FOXC1: variants seen among roughly 807,000 people sequenced by gnomAD.
The protein encoded by FOXC1 is forkhead box protein C1.
FOXC1 carries 5 observed loss-of-function variants against 8.1 expected under a neutral mutation model. The observed-to-expected ratio is 0.62, with a 90% CI of 0.32 to 1.30. The LOEUF (loss-of-function observed/expected upper bound fraction) is 1.30. FOXC1 is among the 50% of genes most tolerant of loss of function. The pLI, the probability that FOXC1 is intolerant of heterozygous loss-of-function variation, is 0.05. For synonymous variants in FOXC1, 552 were observed against 417.2 expected, an observed-to-expected ratio of 1.32 and a Z score of -3.94; for missense variants, 942 against 858.0, an observed-to-expected ratio of 1.10 and a Z score of -1.22.
In FOXC1 at chr6:1,611,308, C is replaced by A; in HGVS notation, c.863C>A (p.Ala288Glu). The change falls in exon 1 of 1, where the codon GCG (alanine) becomes GAG (glutamate). Residue 288 changes from alanine to glutamate, a missense_variant. By Grantham distance (107) the Ala-to-Glu change is moderately radical. Transcript: ENST00000645831. The surrounding 1 kb of genome is among the most constrained non-coding windows in gnomAD (Gnocchi z 7.1). ...PSARPLSLDG[A>E]DSAPPPPAPS... ...GCGCGGCCGCTCAGCCTGGACGGTG[C>A]GGATTCCGCGCCGCCGCCGCCCGCG... The A allele has an allele frequency of 7.1e-7, 1 of 1,412,744 alleles. No individual in the cohort carries two copies. 87.5% of individuals were successfully genotyped at this position (1,412,744 alleles called of 1,614,324 possible).
Position 1,611,178 on chromosome 6 carries a change from G to C in FOXC1, c.733G>C (p.Ala245Pro). Reference sequence around the variant, plus strand: ...GCCCCAGCCCCTGTCCCCGGCCGCCGCCCTGGGCAGCGGCAGCGCCGCCGC... The same window carrying C: ...GCCCCAGCCCCTGTCCCCGGCCGCCCCCCTGGGCAGCGGCAGCGCCGCCGC... ...SPPQPLSPAA[A>P]LGSGSAAAVP... is the part of the protein sequence containing the mutation. Residue 245 changes from alanine to proline, a missense_variant, in exon 1 of 1, where the codon GCC becomes CCC. Physicochemically the swap from Ala to Pro is conservative, Grantham distance 27 (BLOSUM62 -1). Around this residue, in one of 4 missense-constraint regions of FOXC1, gnomAD observed 726 missense variants for 599.6 expected, o/e 1.21. Coordinates refer to ENST00000645831, the MANE Select transcript of FOXC1 (RefSeq NM_001453.3). This position sits in a 1 kb window ranked among gnomAD's most constrained non-coding sequence, Gnocchi z 7.1. 1.4e-6 allele frequency: 2 copies of C among 1,458,414 alleles called. No individual in the cohort carries two copies. The highest frequency in any genetic ancestry group is 1.8e-6 in the Non-Finnish European group (2 of 1,102,682). 90.3% of individuals were successfully genotyped at this position (1,458,414 alleles called of 1,614,324 possible). A position where few individuals can be genotyped will look rare whatever the true frequency, so the allele number is the denominator to read the frequency against.
Position 1,611,096 on chromosome 6 carries a change from G to A in FOXC1, c.651G>A (p.Gln217=). 1 of 1,374,652 alleles carries A rather than the reference G, an allele frequency of 7.3e-7. No homozygotes were observed. Among genetic ancestry groups the A allele is most frequent in the African/African-American group, 1.5e-5 (1 of 65,518 alleles). The allele number at this position is 1,374,652 out of a possible 1,614,324, so 85.2% of individuals were successfully genotyped here. The change falls in exon 1 of 1, where the codon CAG becomes CAA. Residue 217 remains glutamine (Q), a synonymous_variant. Transcript: ENST00000645831. The surrounding 1 kb of genome is among the most constrained non-coding windows in gnomAD (Gnocchi z 7.1). ...CCGACGGCAACGCGCCCGGTCCGCA[G>A]CCGCCGCCCGTGCGCATCCAGGACA... The part of the protein sequence containing the change: ...EQADGNAPGP[Q]PPPVRIQDIK...
rs760588139 is a variant in FOXC1 at position 1,610,580 on chromosome 6, C to T, written c.135C>T (p.Ser45=). The change falls in exon 1 of 1, where the codon AGC becomes AGT. Residue 45 remains serine (S), a synonymous_variant. Transcript: ENST00000645831. The part of the protein sequence containing the change: ...GGYTAMPAPM[S]VYSHPAHAEQ... ...ACACCGCCATGCCGGCCCCCATGAG[C>T]GTGTACTCGCACCCTGCGCACGCCG... 1 of 1,594,286 alleles carries T rather than the reference C, an allele frequency of 6.3e-7. No homozygotes were observed.
In FOXC1 at chr6:1,610,883, G is replaced by T; in HGVS notation, c.438G>T (p.Pro146=). ...AGGTGCCGCGCGACGACAAGAAGCC[G>T]GGCAAGGGCAGCTACTGGACGCTGG... ...FVKVPRDDKK[P]GKGSYWTLDP... Residue 146 remains proline, a synonymous_variant, in exon 1 of 1, where the codon CCG becomes CCT. Coordinates refer to ENST00000645831, the MANE Select transcript of FOXC1 (RefSeq NM_001453.3). 6.2e-7 allele frequency: 1 copy of T among 1,614,008 alleles called. No homozygotes were observed. The highest frequency in any genetic ancestry group is 8.5e-7 in the Non-Finnish European group (1 of 1,180,004).
Position 1,611,146 on chromosome 6 carries a change from C to G in FOXC1, c.701C>G (p.Pro234Arg). ...QDIKTENGTC[P>R]SPPQPLSPAA... ...ATCAAGACCGAGAACGGTACGTGCC[C>G]CTCGCCGCCCCAGCCCCTGTCCCCG... is the stretch of plus-strand genomic sequence containing the variant. The change falls in exon 1 of 1, where the codon CCC becomes CGC. Residue 234 changes from proline (P) to arginine (R), a missense_variant. By Grantham distance (103) the Pro-to-Arg change is moderately radical. Coordinates refer to ENST00000645831, the MANE Select transcript of FOXC1 (RefSeq NM_001453.3). The surrounding 1 kb of genome is among the most constrained non-coding windows in gnomAD (Gnocchi z 7.1). 6.9e-7 allele frequency: 1 copy of G among 1,440,454 alleles called. No homozygotes were observed. Among genetic ancestry groups the G allele is most frequent in the Non-Finnish European group, 9.2e-7 (1 of 1,088,860 alleles). The allele number at this position is 1,440,454 out of a possible 1,614,324, so 89.2% of individuals were successfully genotyped here.
Position 1,612,143 on chromosome 6 carries a change from G to C in FOXC1, c.*36G>C. 1 of 1,612,692 alleles carries C rather than the reference G, an allele frequency of 6.2e-7. No individual in the cohort carries two copies. The highest frequency in any genetic ancestry group is 8.5e-7 in the Non-Finnish European group (1 of 1,179,806). ...AAGCCGAACTAAATCGAACCCCAAAGCAGGAAAAGCTAAAGGAACCCATCA... is the reference window on the plus strand; with the variant it reads ...AAGCCGAACTAAATCGAACCCCAAACCAGGAAAAGCTAAAGGAACCCATCA... On this transcript the variant is annotated 3_prime_UTR_variant, in exon 1 of 1. Coordinates refer to ENST00000645831, the MANE Select transcript of FOXC1 (RefSeq NM_001453.3).
chr6:1,610,076 C>G lies in FOXC1; in HGVS notation c.-370C>G, dbSNP rs948567781. 3 of 142,816 alleles carry G rather than the reference C, an allele frequency of 2.1e-5. No homozygotes were observed. Among genetic ancestry groups the G allele is most frequent in the Non-Finnish European group, 4.6e-5 (3 of 65,698 alleles). The allele number at this position is 142,816 out of a possible 1,614,324, so 8.8% of individuals were successfully genotyped here. A position where few individuals can be genotyped will look rare whatever the true frequency, so the allele number is the denominator to read the frequency against. On this transcript the variant is annotated 5_prime_UTR_variant, in exon 1 of 1. Coordinates refer to ENST00000645831, the MANE Select transcript of FOXC1 (RefSeq NM_001453.3). ...TCGCCGGCAGCTCAGGGCAGAGTCT[C>G]CTGGAAGGCGCAGGCAGTGTGGCGA...
In FOXC1 at chr6:1,610,339, C is replaced by G. The variant is rs1004481239; in HGVS notation, c.-107C>G. ...GGACGCACAGCGCAGCGGGCCGGCA[C>G]CAGCTCGGCCGGGCCCGGACTCGGA... On this transcript the variant is annotated 5_prime_UTR_variant, in exon 1 of 1. Transcript: ENST00000645831. 1.8e-6 allele frequency: 1 copy of G among 566,384 alleles called. No individual in the cohort carries two copies. The highest frequency in any genetic ancestry group is 2.0e-5 in the African/African-American group (1 of 49,060). 35.1% of individuals were successfully genotyped at this position (566,384 alleles called of 1,614,324 possible). A position where few individuals can be genotyped will look rare whatever the true frequency, so the allele number is the denominator to read the frequency against.
Position 1,610,876 on chromosome 6 carries a change from A to G in FOXC1, c.431A>G (p.Lys144Arg). The G allele has an allele frequency of 1.2e-6, 2 of 1,614,036 alleles. No individual in the cohort carries two copies. Among genetic ancestry groups the G allele is most frequent in the Non-Finnish European group, 1.7e-6 (2 of 1,179,972 alleles). ...TTCGTCAAGGTGCCGCGCGACGACA[A>G]GAAGCCGGGCAAGGGCAGCTACTGG... ...ECFVKVPRDD[K>R]KPGKGSYWTL... The change falls in exon 1 of 1, where the codon AAG becomes AGG. Residue 144 changes from lysine to arginine, a missense_variant. Lys to Arg is a conservative substitution (Grantham distance 26). This residue lies in a region of FOXC1 where 26 missense variants were observed against 65.5 expected (regional missense o/e 0.40). Coordinates refer to ENST00000645831, the MANE Select transcript of FOXC1 (RefSeq NM_001453.3).
At position 1,610,669 on chromosome 6, in the gene FOXC1, A is replaced by G; in HGVS notation, c.224A>G (p.Asp75Gly). Residue 75 changes from aspartate to glycine, a missense_variant, in exon 1 of 1, where the codon GAC becomes GGC. Physicochemically the swap from Asp to Gly is moderately conservative, Grantham distance 94. This residue lies in a region of FOXC1 where 190 missense variants were observed against 176.8 expected (regional missense o/e 1.07). Coordinates refer to ENST00000645831, the MANE Select transcript of FOXC1 (RefSeq NM_001453.3). ...GPYTPQPQPK[D>G]MVKPPYSYIA... The stretch of plus-strand genomic sequence containing the variant: ...TACACGCCGCAGCCGCAGCCCAAGG[A>G]CATGGTGAAGCCGCCCTATAGCTAC... 1 of 1,613,522 alleles carries G rather than the reference A, an allele frequency of 6.2e-7. No individual in the cohort carries two copies. Among genetic ancestry groups the G allele is most frequent in the Non-Finnish European group, 8.5e-7 (1 of 1,179,942 alleles).
Position 1,612,259 on chromosome 6 carries a change from A to C in FOXC1, c.*152A>C. ...CAGCGAACAGAATATCCCTCCAAAA[A>C]TTCAGCTCACCAGCACCAGCACGAA... is the stretch of plus-strand genomic sequence containing the variant. On this transcript the variant is annotated 3_prime_UTR_variant, in exon 1 of 1. Transcript: ENST00000645831. The C allele has an allele frequency of 5.0e-6, 6 of 1,211,730 alleles. No homozygotes were observed. The highest frequency in any genetic ancestry group is 4.3e-5 in the South Asian group (3 of 70,092). 75.1% of individuals were successfully genotyped at this position (1,211,730 alleles called of 1,614,324 possible).
Position 1,610,760 on chromosome 6 carries a change from C to T in FOXC1, c.315C>T (p.Tyr105=), listed in dbSNP as rs201891353. 1.0e-4 allele frequency: 162 copies of T among 1,614,010 alleles called. No individual in the cohort carries two copies. Among genetic ancestry groups the T allele is most frequent in the Non-Finnish European group, 1.3e-4 (152 of 1,179,984 alleles). ...PDKKITLNGI[Y]QFIMDRFPFY... is the part of the protein sequence containing the mutation. ...AGAAGATCACCCTGAACGGCATCTA[C>T]CAGTTCATCATGGACCGCTTCCCCT... The change falls in exon 1 of 1, where the codon TAC becomes TAT. Residue 105 remains tyrosine, a synonymous_variant. Coordinates refer to ENST00000645831, the MANE Select transcript of FOXC1 (RefSeq NM_001453.3).
rs1433451833 is a variant in FOXC1, at chr6:1,612,834, T to C, written c.*727T>C. 9.5e-6 allele frequency: 2 copies of C among 211,316 alleles called. No individual in the cohort carries two copies. The highest frequency in any genetic ancestry group is 2.1e-5 in the Non-Finnish European group (2 of 95,138). 13.1% of individuals were successfully genotyped at this position (211,316 alleles called of 1,614,324 possible). On this transcript the variant is annotated 3_prime_UTR_variant, in exon 1 of 1. Coordinates refer to ENST00000645831, the MANE Select transcript of FOXC1 (RefSeq NM_001453.3). ...CCATTCAGTTTGAATGAGACCTATA[T>C]GTCTGGATACTTTAATAGAGCTTTA...
At position 1,611,508 on chromosome 6, in the gene FOXC1, C is replaced by T. The variant is rs763692952; in HGVS notation, c.1063C>T (p.Pro355Ser). 4 of 1,368,116 alleles carry T rather than the reference C, an allele frequency of 2.9e-6. No homozygotes were observed. The highest frequency in any genetic ancestry group is 6.8e-5 in the East Asian group (2 of 29,390). 84.7% of individuals were successfully genotyped at this position (1,368,116 alleles called of 1,614,324 possible). ...APPLALGAYSPGQSSLYSSPC... is the reference protein window; with the variant it reads ...APPLALGAYSSGQSSLYSSPC... ...CCCGCTGGCGCTCGGCGCCTACTCG[C>T]CCGGCCAGAGCTCCCTCTACAGCTC... is the stretch of plus-strand genomic sequence containing the variant. Residue 355 changes from proline to serine, a missense_variant, in exon 1 of 1, where the codon CCC (proline) becomes TCC (serine). Physicochemically the swap from Pro to Ser is moderately conservative, Grantham distance 74. Transcript: ENST00000645831. This position sits in a 1 kb window ranked among gnomAD's most constrained non-coding sequence, Gnocchi z 7.1.
Position 1,613,674 on chromosome 6 carries a change from G to A in FOXC1, c.*1567G>A. 1 of 195,784 alleles carries A rather than the reference G, an allele frequency of 5.1e-6. No homozygotes were observed. The highest frequency in any genetic ancestry group is 1.1e-5 in the Non-Finnish European group (1 of 87,550). 12.1% of individuals were successfully genotyped at this position (195,784 alleles called of 1,614,324 possible). Reference sequence around the variant, plus strand: ...AATGTAATAAATTCATTATCTTAGGGTGATCTGCCCTGCCAATCAGACTTT... The same window carrying A: ...AATGTAATAAATTCATTATCTTAGGATGATCTGCCCTGCCAATCAGACTTT... On this transcript the variant is annotated 3_prime_UTR_variant, in exon 1 of 1. Transcript: ENST00000645831.
Position 1,610,634 on chromosome 6 carries a change from C to T in FOXC1, c.189C>T (p.Ala63=), listed in dbSNP as rs375581157. Residue 63 remains alanine, a synonymous_variant, in exon 1 of 1, where the codon GCC becomes GCT. Transcript: ENST00000645831. Reference sequence around the variant, plus strand: ...AGTACCCGGGCGGCATGGCCCGCGCCTACGGGCCCTACACGCCGCAGCCGC... The same window carrying T: ...AGTACCCGGGCGGCATGGCCCGCGCTTACGGGCCCTACACGCCGCAGCCGC... The part of the protein sequence containing the change: ...AEQYPGGMAR[A]YGPYTPQPQP... 3.1e-6 allele frequency: 5 copies of T among 1,612,310 alleles called. No homozygotes were observed. The highest frequency in any genetic ancestry group is 2.7e-5 in the African/African-American group (2 of 74,814).
rs76166083 is a variant in FOXC1 at position 1,611,898 on chromosome 6, T to C, written c.1453T>C (p.Leu485=). The change falls in exon 1 of 1, where the codon TTG becomes CTG. Residue 485 remains leucine (L), a synonymous_variant. Coordinates refer to ENST00000645831, the MANE Select transcript of FOXC1 (RefSeq NM_001453.3). This position sits in a 1 kb window ranked among gnomAD's most constrained non-coding sequence, Gnocchi z 7.1. ...CCAGGCGGGCGGAGACCTGGGCCAC[T>C]TGGCGAGCGCGGCGGCGGCGGCGGC... The part of the protein sequence containing the change: ...LNQAGGDLGH[L]ASAAAAAAAA... The C allele has an allele frequency of 4.4e-4, 676 of 1,535,406 alleles. 2 individuals are homozygous for C. The African/African-American group carries it at 8.3e-3, about 19-fold the overall frequency.
In FOXC1 at chr6:1,610,355, C is replaced by T. The variant is rs1191743476; in HGVS notation, c.-91C>T. On this transcript the variant is annotated 5_prime_UTR_variant, in exon 1 of 1. Transcript: ENST00000645831. ...GGGCCGGCACCAGCTCGGCCGGGCC[C>T]GGACTCGGACTCGGCGGCCGGCGCG... 7.0e-6 allele frequency: 5 copies of T among 716,848 alleles called. No individual in the cohort carries two copies. The highest frequency in any genetic ancestry group is 1.3e-4 in the East Asian group (1 of 7,518). 44.4% of individuals were successfully genotyped at this position (716,848 alleles called of 1,614,324 possible). A position where few individuals can be genotyped will look rare whatever the true frequency, so the allele number is the denominator to read the frequency against.
chr6:1,612,063 T>C lies in FOXC1; in HGVS notation c.1618T>C (p.Tyr540His). ...GGCCTTCCCTTCCAGCCAGTCTCTG[T>C]ACCGCACGTCCGGAGCTTTCGTCTA... Reference protein sequence around the residue: ...QMAFPSSQSLYRTSGAFVYDC... With the variant: ...QMAFPSSQSLHRTSGAFVYDC... The change falls in exon 1 of 1, where the codon TAC becomes CAC. Residue 540 changes from tyrosine (Y) to histidine (H), a missense_variant. Coordinates refer to ENST00000645831, the MANE Select transcript of FOXC1 (RefSeq NM_001453.3). The C allele has an allele frequency of 1.2e-6, 2 of 1,613,944 alleles. No homozygotes were observed. The highest frequency in any genetic ancestry group is 1.7e-6 in the Non-Finnish European group (2 of 1,180,002).
Sources: gnomAD v4.1 joint callset for allele counts on GRCh38, gnomAD v4.1.1 for gene constraint, gnomAD v4.1.1 regional missense constraint, Gnocchi (gnomAD v3.1) non-coding constraint, MANE v1.5 for transcripts, NCBI Gene and HGNC (gene_info 2026-07-23, HGNC 2026-07-21) for gene names.